The following C5AR1 variants were observed in gnomAD, a reference collection of about 807,000 sequenced individuals.
C5AR1 encodes complement C5a receptor 1, also known as C5a anaphylatoxin chemotactic receptor 1.
C5AR1 carries 4 observed loss-of-function variants against 2.4 expected under a neutral mutation model. The observed-to-expected ratio is 1.65, with a 90% CI of 0.81 to 3.77. The LOEUF (loss-of-function observed/expected upper bound fraction) is 3.77. Among genes scored for constraint, C5AR1 ranks in the 30% most tolerant of loss-of-function variants. The pLI is 0.01. For missense variants in C5AR1, 418 were observed against 462.5 expected, an observed-to-expected ratio of 0.90 and a Z score of 0.88; for synonymous variants, 209 against 210.4, an observed-to-expected ratio of 0.99 and a Z score of 0.06.
chr19:47,316,877 G>GA (rs869148486), intron 1 of C5AR1, among the ~76,000 whole-genome samples: 125 of 141,366 alleles, frequency 8.8e-4, no homozygotes, highest in Admixed American at 1.4e-3. Flanking sequence ...AAGGGAACTA[G>GA]AAAAAAAAAA....
In C5AR1 at chr19:47,320,610, T is replaced by C; in HGVS notation, c.833T>C (p.Leu278Pro). 1 of 1,614,058 alleles carries C rather than the reference T, an allele frequency of 6.2e-7. No individual in the cohort carries two copies. The highest frequency in any genetic ancestry group is 1.1e-5 in the South Asian group (1 of 91,084). ...CCATCGTCACCCACCTTCCTGCTGCTGAAGAAGCTGGACTCCCTGTGTGTC... is the reference window on the plus strand; with the variant it reads ...CCATCGTCACCCACCTTCCTGCTGCCGAAGAAGCTGGACTCCCTGTGTGTC... ...LEPSSPTFLL[L>P]KKLDSLCVSF... Residue 278 changes from leucine to proline, a missense_variant, in exon 2 of 2, where the codon CTG becomes CCG. Physicochemically the swap from Leu to Pro is moderately conservative, Grantham distance 98 (BLOSUM62 -3). Coordinates refer to ENST00000355085, the MANE Select transcript of C5AR1 (RefSeq NM_001736.4). The surrounding 1 kb of genome is among the most constrained non-coding windows in gnomAD (Gnocchi z 4.9).
At chr19:47,318,250 C>CTGG (rs2059296254) in intron 1 of C5AR1, among the ~76,000 whole-genome samples, 1 of 151,936 alleles carries the variant, frequency 6.6e-6, no homozygotes, top group African/African-American at 2.4e-5. Flanking sequence ...ACTTCACCTT[C>CTGG]TGGTGCCTCG....
At chr19:47,309,986 C>G in intron 1 of C5AR1, 88 bp downstream of exon 1, 1 of 1,370,468 alleles carries the variant, frequency 7.3e-7, no homozygotes, top group Non-Finnish European at 1.0e-6. Context: ...CTCCCCAACT[C>G]TCGCCGTCAA....
chr19:47,317,222 C>T lies in C5AR1; in HGVS notation c.4-2559C>T, dbSNP rs865988903. On this transcript the variant is annotated intron_variant, in intron 1 of 1. Transcript: ENST00000355085. ...AAAAAAAAAAAAAAAAAATATAAAACGGGGCTGGGCGTGGTGGTTCATGCC... is the reference window on the plus strand; with the variant it reads ...AAAAAAAAAAAAAAAAAATATAAAATGGGGCTGGGCGTGGTGGTTCATGCC... 2.3e-4 allele frequency among the ~76,000 whole-genome samples: 33 copies of T among 141,536 alleles called. No individual in the cohort carries two copies. The East Asian group carries it at 2.5e-3, about 11-fold the overall frequency. 92.9% of individuals were successfully genotyped at this position (141,536 alleles called of 152,430 possible).
intron 1 of C5AR1, among the ~76,000 whole-genome samples, chr19:47,313,617 A>ACC (rs1443606555): frequency 6.6e-6 from 1 of 151,914 alleles, no homozygotes; most frequent in Non-Finnish European, 1.5e-5. Context: ...GGTGGCGGGC[A>ACC]CCTGTAGTCC....
intron 1 of C5AR1, among the ~76,000 whole-genome samples, chr19:47,318,615 A>G (rs1190442533): frequency 6.6e-6 from 1 of 151,900 alleles, no homozygotes. Context: ...TATTAACAGA[A>G]CCTCCTTGTA....
At chr19:47,313,054 A>G (rs1033052963) in intron 1 of C5AR1, among the ~76,000 whole-genome samples, 1 of 151,646 alleles carries the variant, frequency 6.6e-6, no homozygotes, top group African/African-American at 2.4e-5. Flanking sequence ...GGCTCACTGC[A>G]CCTCTGCCTC....
In C5AR1 at chr19:47,320,150, C is replaced by T. The variant is rs1161392500; in HGVS notation, c.373C>T (p.Leu125=). ...LILLNMYASI[L]LLATISADRF... is the part of the protein sequence containing the mutation. The stretch of plus-strand genomic sequence containing the variant: ...CCTGCTCAACATGTACGCCAGCATC[C>T]TGCTCCTGGCCACCATCAGCGCCGA... Residue 125 remains leucine, a synonymous_variant, in exon 2 of 2, where the codon CTG becomes TTG. Transcript: ENST00000355085. This position sits in a 1 kb window ranked among gnomAD's most constrained non-coding sequence, Gnocchi z 4.9. 6.2e-7 allele frequency: 1 copy of T among 1,614,106 alleles called. No homozygotes were observed. The highest frequency in any genetic ancestry group is 1.3e-5 in the African/African-American group (1 of 74,954).
upstream of C5AR1, among the ~76,000 whole-genome samples, chr19:47,308,128 G>A (rs573394945): frequency 3.5e-4 from 52 of 148,718 alleles, no homozygotes; most frequent in Admixed American, 1.3e-3. Flanking sequence ...CAGGAGAATC[G>A]CTTGAACCTG....
chr19:47,320,515 A>T lies in C5AR1; in HGVS notation c.738A>T (p.Ala246=), dbSNP rs754324636. 55 of 1,613,776 alleles carry T rather than the reference A, an allele frequency of 3.4e-5. No homozygotes were observed. Among genetic ancestry groups the T allele is most frequent in the Non-Finnish European group, 4.3e-5 (51 of 1,179,974 alleles). ...CCAAGACACTCAAGGTGGTGGTGGC[A>T]GTGGTGGCCAGTTTCTTTATCTTCT... ...RSTKTLKVVV[A]VVASFFIFWL... The change falls in exon 2 of 2, where the codon GCA becomes GCT. Residue 246 remains alanine, a synonymous_variant. Transcript: ENST00000355085. This position sits in a 1 kb window ranked among gnomAD's most constrained non-coding sequence, Gnocchi z 4.9.
rs910397719 is a variant in C5AR1 at position 47,321,067 on chromosome 19, AC to A, written c.*238del. The A allele has an allele frequency of 3.4e-4, 11 of 32,666 alleles. 1 individual carries two copies. In the Admixed American group the frequency reaches 4.2e-3, roughly 12 times the overall value. The allele number at this position is 32,666 out of a possible 1,614,324, so 2.0% of individuals were successfully genotyped here. On this transcript the variant is annotated 3_prime_UTR_variant, in exon 2 of 2. Transcript: ENST00000355085. Reference sequence around the variant, plus strand: ...CACCCTCCCACCCCCCACCCCCCCCACACACACCATCTTTCCATCCCAGGCT... The same window carrying A: ...CACCCTCCCACCCCCCACCCCCCCCAACACACCATCTTTCCATCCCAGGCT...
upstream of C5AR1, among the ~76,000 whole-genome samples, chr19:47,309,273 G>A (rs2059262689): frequency 6.6e-6 from 1 of 152,070 alleles, no homozygotes; most frequent in Admixed American, 6.6e-5. Context: ...GTCTTAGGAG[G>A]AAAGAGATAG....
chr19:47,317,437 A>C (rs2059293241), intron 1 of C5AR1, among the ~76,000 whole-genome samples: 1 of 150,150 alleles, frequency 6.7e-6, no homozygotes, highest in Non-Finnish European at 1.5e-5. Context: ...GAGCCTGAGA[A>C]GTCAAGGCTG....
At chr19:47,308,233 A>G (rs890342484), upstream of C5AR1, among the ~76,000 whole-genome samples, 17 of 151,012 alleles carry the variant, frequency 1.1e-4, no homozygotes, top group African/African-American at 4.1e-4. Context: ...AAAAAAAAAA[A>G]AAGAGCATGA....
rs1035261757 is a variant in C5AR1, at chr19:47,320,972, G to GT, written c.*143dup. On this transcript the variant is annotated 3_prime_UTR_variant, in exon 2 of 2. Transcript: ENST00000355085. The surrounding 1 kb of genome is among the most constrained non-coding windows in gnomAD (Gnocchi z 4.9). ...CATGTTGCCTGTCTTTCCCAGACTT[G>GT]TCCCTCCTTTTCCAGCGGGACTCTT... 1.6e-4 allele frequency: 113 copies of GT among 699,068 alleles called. No homozygotes were observed. The highest frequency in any genetic ancestry group is 2.1e-4 in the Non-Finnish European group (92 of 431,454). The allele number at this position is 699,068 out of a possible 1,614,324, so 43.3% of individuals were successfully genotyped here.
At chr19:47,309,860 G>T (rs767688569), upstream of C5AR1, 5 of 1,611,772 alleles carry the variant, frequency 3.1e-6, no homozygotes, top group South Asian at 1.1e-5. Context: ...GGGCAGGAGG[G>T]ACCTTCGATC....
intron 1 of C5AR1, among the ~76,000 whole-genome samples, chr19:47,313,544 C>G (rs528366080): frequency 2.2e-4 from 33 of 151,762 alleles, no homozygotes. Flanking sequence ...GTCAGGAGAT[C>G]AAGACTATCC....
intron 1 of C5AR1, among the ~76,000 whole-genome samples, chr19:47,317,681 T>C (rs1242426950): frequency 6.6e-6 from 1 of 151,016 alleles, no homozygotes; most frequent in African/African-American, 2.4e-5. Flanking sequence ...GAGGTGAGTG[T>C]TTTAAAGGTA....
chr19:47,312,791 C>T (rs2122130821), intron 1 of C5AR1, among the ~76,000 whole-genome samples: 1 of 152,188 alleles, frequency 6.6e-6, no homozygotes, highest in African/African-American at 2.4e-5. Flanking sequence ...ACCTCAGCCT[C>T]CTGAGTAGGT....
Sources: allele counts gnomAD v4.1 joint callset (sites outside exome capture counted in the v4.1 genomes callset), GRCh38; gene constraint gnomAD v4.1.1; non-coding constraint Gnocchi (gnomAD v3.1); transcripts MANE v1.5; gene names NCBI Gene and HGNC (gene_info 2026-07-23, HGNC 2026-07-21).